The following PTCHD4 variants were observed in gnomAD, a reference collection of about 807,000 sequenced individuals.
The protein encoded by PTCHD4 is patched domain containing 4, also known as patched domain-containing protein 4.
A neutral mutation model predicts 58.1 loss-of-function variants in PTCHD4; 33 were observed. The observed-to-expected ratio is 0.57, with a 90% confidence interval of 0.43 to 0.76. PTCHD4 has a LOEUF of 0.76. PTCHD4 is among the 30% of genes least tolerant of loss of function. PTCHD4 has a pLI of 0.00. For missense variants in PTCHD4, 1,058 were observed against 1,027.1 expected (o/e 1.03, Z -0.41); for synonymous variants, 478 against 409.6 (o/e 1.17, Z -2.02).
intron 4 of PTCHD4, among the ~76,000 whole-genome samples, chr6:47,915,228 A>G (rs1261516569): frequency 6.7e-6 from 1 of 150,324 alleles, no homozygotes; most frequent in Non-Finnish European, 1.5e-5. Flanking sequence ...GCTGATGTTA[A>G]ATCTTAAAGC....
At chr6:48,076,058 T>C (rs1297248770) in intron 1 of PTCHD4, among the ~76,000 whole-genome samples, 1 of 152,244 alleles carries the variant, frequency 6.6e-6, no homozygotes, top group Non-Finnish European at 1.5e-5. Flanking sequence ...TGCTACTTTA[T>C]CAACTAAATT....
chr6:47,962,935 G>C (rs1181322067), intron 4 of PTCHD4, among the ~76,000 whole-genome samples: 1 of 151,896 alleles, frequency 6.6e-6, no homozygotes, highest in African/African-American at 2.4e-5. Context: ...CGAGGCAGAT[G>C]GATTGCCTGA....
At chr6:47,934,294 C>T (rs1169035355) in intron 4 of PTCHD4, among the ~76,000 whole-genome samples, 1 of 152,148 alleles carries the variant, frequency 6.6e-6, no homozygotes, top group Admixed American at 6.6e-5. Flanking sequence ...CTTTAGCTTC[C>T]TTTTCACCCA....
intron 3 of PTCHD4, among the ~76,000 whole-genome samples, chr6:48,036,194 G>A (rs1278686818): frequency 6.6e-6 from 1 of 151,964 alleles, no homozygotes; most frequent in African/African-American, 2.4e-5. Context: ...TGTATAAGCA[G>A]AGAGATACTT....
intron 3 of PTCHD4, among the ~76,000 whole-genome samples, chr6:48,019,106 A>C (rs1229977776): frequency 6.6e-6 from 1 of 152,216 alleles, no homozygotes; most frequent in Non-Finnish European, 1.5e-5. Context: ...TGGAAACAAG[A>C]AAGTTACGGA....
chr6:47,933,323 C>T (rs775296006), intron 4 of PTCHD4, among the ~76,000 whole-genome samples: 5 of 152,220 alleles, frequency 3.3e-5, no homozygotes, highest in Admixed American at 2.0e-4. Flanking sequence ...ATAGTCATTA[C>T]TGGATATTCT....
chr6:48,101,842 C>G (rs1049066295), intron 1 of PTCHD4, among the ~76,000 whole-genome samples: 1 of 152,140 alleles, frequency 6.6e-6, no homozygotes, highest in African/African-American at 2.4e-5. Context: ...CTCCTTCTCT[C>G]CTTCTAGCTA....
At chr6:47,975,717 T>G (rs1319364246) in intron 4 of PTCHD4, among the ~76,000 whole-genome samples, 1 of 152,236 alleles carries the variant, frequency 6.6e-6, no homozygotes, top group Non-Finnish European at 1.5e-5. Flanking sequence ...TAATATTTCT[T>G]TAGCACCTAT....
intron 4 of PTCHD4, among the ~76,000 whole-genome samples, chr6:47,909,517 T>G (rs1334432009): frequency 1.3e-5 from 2 of 152,164 alleles, no homozygotes. Context: ...AGTGTTAAGA[T>G]GCACACTGTA....
intron 1 of PTCHD4, among the ~76,000 whole-genome samples, chr6:48,098,739 TAAC>T (rs1007326946): frequency 2.0e-5 from 3 of 152,228 alleles, no homozygotes; most frequent in Non-Finnish European, 2.9e-5. Flanking sequence ...AGACTAATCT[TAAC>T]AAAAATATTT....
Position 48,051,055 on chromosome 6 carries a change from A to G in PTCHD4, c.417+17175T>C, listed in dbSNP as rs148489124. Reference sequence around the variant, plus strand: ...TCCTACAATTTGTAGATGAACATCAATTCTCAGGAACACACAGCAAACAAC... The same window carrying G: ...TCCTACAATTTGTAGATGAACATCAGTTCTCAGGAACACACAGCAAACAAC... On this transcript the variant is annotated intron_variant, in intron 3 of 4. Transcript: ENST00000339488. 3.0e-3 allele frequency among the ~76,000 whole-genome samples: 461 copies of G among 152,160 alleles called. 6 individuals carry two copies. Among genetic ancestry groups the G allele is most frequent in the African/African-American group, 9.6e-3 (397 of 41,544 alleles).
intron 4 of PTCHD4, among the ~76,000 whole-genome samples, chr6:48,005,399 A>G (rs926858159): frequency 3.3e-5 from 5 of 152,240 alleles, no homozygotes; most frequent in Non-Finnish European, 7.3e-5. Context: ...GTTTACTAGA[A>G]GAGTTGGGCT....
In PTCHD4 at chr6:47,970,867, C is replaced by G. The variant is rs556841412; in HGVS notation, c.898+37767G>C. 4.3e-4 allele frequency among the ~76,000 whole-genome samples: 65 copies of G among 152,250 alleles called. 1 individual carries two copies. The highest frequency in any genetic ancestry group is 7.4e-4 in the Non-Finnish European group (50 of 68,014). On this transcript the variant is annotated intron_variant, in intron 4 of 4. Coordinates refer to ENST00000339488, the MANE Select transcript of PTCHD4 (RefSeq NM_001384253.1). ...GACTCTGTGCACTGACTGAAAACAT[C>G]CAAGTGTGGGGCCTAGCAATTTTTG...
intron 1 of PTCHD4, among the ~76,000 whole-genome samples, chr6:48,079,382 C>A (rs1473591980): frequency 6.6e-6 from 1 of 152,114 alleles, no homozygotes; most frequent in Non-Finnish European, 1.5e-5. Context: ...GGGCATCACA[C>A]TCACCATTAA....
chr6:47,914,744 T>TTATC (rs148847302), intron 4 of PTCHD4, among the ~76,000 whole-genome samples: 15,979 of 115,996 alleles, frequency 0.14, 923 homozygotes, highest in Non-Finnish European at 0.15. Context: ...TATCTATCTA[T>TTATC]TATCTATCTA....
chr6:48,046,062 G>A (rs1193890796), intron 3 of PTCHD4, among the ~76,000 whole-genome samples: 1 of 151,816 alleles, frequency 6.6e-6, no homozygotes, highest in Admixed American at 6.6e-5. Context: ...GACATCCAGT[G>A]AAAAAGGAAA....
At chr6:47,945,661 T>C (rs1402679697) in intron 4 of PTCHD4, among the ~76,000 whole-genome samples, 1 of 151,982 alleles carries the variant, frequency 6.6e-6, no homozygotes, top group African/African-American at 2.4e-5. Context: ...AGCTGAAGTT[T>C]ATTTACTTTC....
chr6:48,078,014 G>A (rs1765092383), intron 1 of PTCHD4, among the ~76,000 whole-genome samples: 1 of 152,120 alleles, frequency 6.6e-6, no homozygotes. Context: ...TCAATGCAGG[G>A]TTCCTACAAA....
At position 48,066,144 on chromosome 6, in the gene PTCHD4, A is replaced by G. The variant is rs369348985; in HGVS notation, c.417+2086T>C. Among the ~76,000 whole-genome samples the G allele has an allele frequency of 1.3e-3, 190 of 150,716 alleles. 4 individuals are homozygous for G. In the South Asian group the frequency reaches 0.038, roughly 30 times the overall value. ...ACGGGATCCCTCTGTCACCCAGACT[A>G]CTACTGCTAAGCCTCACGAGAGTGA... On this transcript the variant is annotated intron_variant, in intron 3 of 4. Coordinates refer to ENST00000339488, the MANE Select transcript of PTCHD4 (RefSeq NM_001384253.1).
Sources: gnomAD v4.1 joint callset for allele counts (sites outside exome capture counted in the v4.1 genomes callset) on GRCh38, gnomAD v4.1.1 for gene constraint, MANE v1.5 for transcripts, NCBI Gene and HGNC (gene_info 2026-07-23, HGNC 2026-07-21) for gene names.